IMMP2L: variants seen among roughly 807,000 people sequenced by gnomAD.
IMMP2L encodes inner mitochondrial membrane peptidase subunit 2, also known as mitochondrial inner membrane protease subunit 2.
Under a neutral mutation model 19.3 loss-of-function variants are expected in IMMP2L, and 18 were observed. The ratio of observed to expected loss-of-function variants is 0.93; its 90% CI spans 0.64 to 1.38. The LOEUF (loss-of-function observed/expected upper bound fraction) is 1.38, where lower values mean the gene tolerates loss of function less well. IMMP2L is among the 40% of genes most tolerant of loss of function. IMMP2L has a pLI of 0.00. For missense variants in IMMP2L, 233 were observed against 218.2 expected (o/e 1.07, Z -0.43); for synonymous variants, 76 against 73.0 (o/e 1.04, Z -0.21).
intron 3 of IMMP2L, among the ~76,000 whole-genome samples, chr7:111,217,118 T>TCACACACACACACACA (rs1160755759): frequency 6.9e-6 from 1 of 144,372 alleles, no homozygotes; most frequent in African/African-American, 2.8e-5. Context: ...TCTCTCTCTC[T>TCACACACACACACACA]CTCTCTCTCA....
At chr7:110,835,024 T>G (rs1480631550) in intron 5 of IMMP2L, among the ~76,000 whole-genome samples, 1 of 152,050 alleles carries the variant, frequency 6.6e-6, no homozygotes, top group Non-Finnish European at 1.5e-5. Context: ...CCTGAAAATT[T>G]TTTTCCCCCA....
At position 110,833,198 on chromosome 7, in the gene IMMP2L, G is replaced by A. The variant is rs144662901; in HGVS notation, c.408+53395C>T. ...TCATGCCTGTAATCCCAGCACTTTG[G>A]GAGGCTGAGGCAGGCAGATTATCTG... is the stretch of plus-strand genomic sequence containing the variant. On this transcript the variant is annotated intron_variant, in intron 5 of 5. Coordinates refer to ENST00000405709, the MANE Select transcript of IMMP2L (RefSeq NM_032549.4). 4.6e-3 allele frequency among the ~76,000 whole-genome samples: 699 copies of A among 152,158 alleles called. 3 individuals carry two copies. The highest frequency in any genetic ancestry group is 0.016 in the African/African-American group (661 of 41,512).
chr7:111,103,445 C>A (rs1424561154), intron 3 of IMMP2L, among the ~76,000 whole-genome samples: 3 of 151,684 alleles, frequency 2.0e-5, no homozygotes, highest in South Asian at 2.1e-4. Context: ...TCTTCTAAGA[C>A]ATGTCATATA....
At chr7:111,193,256 T>C (rs1809096941) in intron 3 of IMMP2L, among the ~76,000 whole-genome samples, 1 of 152,116 alleles carries the variant, frequency 6.6e-6, no homozygotes, top group Non-Finnish European at 1.5e-5. Flanking sequence ...GTGCAAGCTC[T>C]TGCAGGAAGC....
intron 2 of IMMP2L, among the ~76,000 whole-genome samples, chr7:111,513,462 G>A (rs1278016818): frequency 6.6e-6 from 1 of 152,102 alleles, no homozygotes; most frequent in South Asian, 2.1e-4. Context: ...AGAGATAAAT[G>A]TTGGTGAGAA....
chr7:111,510,689 C>A (rs1215245788), intron 2 of IMMP2L, among the ~76,000 whole-genome samples: 2 of 152,062 alleles, frequency 1.3e-5, no homozygotes, highest in African/African-American at 4.8e-5. Context: ...TTAGAATCTG[C>A]CAAAATTATT....
At chr7:111,019,887 T>C (rs1214496595) in intron 3 of IMMP2L, among the ~76,000 whole-genome samples, 1 of 152,076 alleles carries the variant, frequency 6.6e-6, no homozygotes. Context: ...TACCTTTCCA[T>C]TTTTCTGGAA....
chr7:111,490,791 G>A (rs989567479), intron 2 of IMMP2L, among the ~76,000 whole-genome samples: 10 of 152,010 alleles, frequency 6.6e-5, no homozygotes, highest in South Asian at 2.1e-4. Context: ...CAATACCTAC[G>A]AAGTACTTAC....
At chr7:110,786,333 T>C (rs1043661105) in intron 5 of IMMP2L, among the ~76,000 whole-genome samples, 1 of 151,968 alleles carries the variant, frequency 6.6e-6, no homozygotes, top group Non-Finnish European at 1.5e-5. Context: ...AAAACATAAT[T>C]TGCAGCAGTA....
chr7:111,023,592 C>A (rs1826512191), intron 3 of IMMP2L, among the ~76,000 whole-genome samples: 1 of 151,760 alleles, frequency 6.6e-6, no homozygotes, highest in South Asian at 2.1e-4. Context: ...CAACTGTAAT[C>A]CTAGCTGAGG....
At chr7:111,289,523 G>C (rs973434966) in intron 3 of IMMP2L, among the ~76,000 whole-genome samples, 1 of 151,888 alleles carries the variant, frequency 6.6e-6, no homozygotes, top group Non-Finnish European at 1.5e-5. Context: ...TCGTTATCAT[G>C]ATGAACTGAA....
chr7:111,053,470 C>A (rs73418018), intron 3 of IMMP2L, among the ~76,000 whole-genome samples: 4,613 of 152,276 alleles, frequency 0.03, 230 homozygotes, highest in African/African-American at 0.11. Flanking sequence ...AGCTCACTCA[C>A]CCAGCTCCTG....
intron 3 of IMMP2L, among the ~76,000 whole-genome samples, chr7:111,344,417 T>C (rs1368701964): frequency 2.0e-5 from 3 of 152,314 alleles, no homozygotes; most frequent in African/African-American, 4.8e-5. Flanking sequence ...TAGACTTTCC[T>C]TGGACACCAT....
intron 3 of IMMP2L, among the ~76,000 whole-genome samples, chr7:111,307,292 T>C (rs1711544584): frequency 6.6e-6 from 1 of 151,724 alleles, no homozygotes; most frequent in South Asian, 2.1e-4. Context: ...CAATGTTACA[T>C]GAATGTTACT....
chr7:111,015,558 T>A (rs1825417331), intron 3 of IMMP2L, among the ~76,000 whole-genome samples: 1 of 152,226 alleles, frequency 6.6e-6, no homozygotes, highest in East Asian at 1.9e-4. Context: ...TTGCTGTGTT[T>A]TTCACCACAA....
In IMMP2L at chr7:111,121,315, G is replaced by A. The variant is rs542847675; in HGVS notation, c.240-157750C>T. ...CTCCCATTCTGTAGGTTGCCTGTTC[G>A]CTCTGATGGTAGTTTCTTTTGCTGT... On this transcript the variant is annotated intron_variant, in intron 3 of 5. Coordinates refer to ENST00000405709, the MANE Select transcript of IMMP2L (RefSeq NM_032549.4). Among the ~76,000 whole-genome samples the A allele has an allele frequency of 7.2e-5, 11 of 152,128 alleles. No individual in the cohort carries two copies. The East Asian group carries it at 7.7e-4, about 11-fold the overall frequency.
In IMMP2L at chr7:110,877,934, A is replaced by G. The variant is rs999206823; in HGVS notation, c.408+8659T>C. Among the ~76,000 whole-genome samples, 24 of 152,156 alleles carry G rather than the reference A, an allele frequency of 1.6e-4. No individual in the cohort carries two copies. The highest frequency in any genetic ancestry group is 5.3e-4 in the African/African-American group (22 of 41,450). On this transcript the variant is annotated intron_variant, in intron 5 of 5. Transcript: ENST00000405709. The surrounding 1 kb of genome is among the most constrained non-coding windows in gnomAD (Gnocchi z 4.0). The stretch of plus-strand genomic sequence containing the variant: ...TAAAAAACAAAAAACAAAAAGCACA[A>G]TGGATTGATTCCAAATGCCATGAAA...
intron 3 of IMMP2L, chr7:111,392,661 G>A (rs777925915): frequency 2.4e-6 from 1 of 418,986 alleles, no homozygotes; most frequent in Non-Finnish European, 4.8e-6. Flanking sequence ...TTAGTGCTCA[G>A]TCCCACAAAT....
At chr7:111,001,626 T>A (rs912335700) in intron 3 of IMMP2L, among the ~76,000 whole-genome samples, 1 of 152,170 alleles carries the variant, frequency 6.6e-6, no homozygotes, top group Non-Finnish European at 1.5e-5. Context: ...CAATATTTAC[T>A]AGAATCTCAC....
Sources: gnomAD v4.1 joint callset for allele counts (sites outside exome capture counted in the v4.1 genomes callset) on GRCh38, gnomAD v4.1.1 for gene constraint, Gnocchi (gnomAD v3.1) non-coding constraint, MANE v1.5 for transcripts, NCBI Gene and HGNC (gene_info 2026-07-23, HGNC 2026-07-21) for gene names.